The following HPSE2 variants were observed in gnomAD, a reference collection of about 807,000 sequenced individuals.
HPSE2 encodes inactive heparanase-2.
A neutral mutation model predicts 60.5 loss-of-function variants in HPSE2; 38 were observed. The ratio of observed to expected loss-of-function variants is 0.63; its 90% CI spans 0.48 to 0.82. The LOEUF is 0.82. HPSE2 is among the 40% of genes least tolerant of loss of function. The probability of loss-of-function intolerance (pLI) is 0.00; values close to 1 mark genes in which losing one functional copy is unlikely to be tolerated. For synonymous variants in HPSE2, 295 were observed against 293.2 expected (o/e 1.01, Z -0.06); for missense variants, 713 against 740.4 (o/e 0.96, Z 0.43).
At chr10:98,908,956 T>G (rs940087958) in intron 3 of HPSE2, among the ~76,000 whole-genome samples, 1 of 152,140 alleles carries the variant, frequency 6.6e-6, no homozygotes, top group Admixed American at 6.5e-5. Context: ...GCCATGTAAC[T>G]GAATTCAGGT....
intron 9 of HPSE2, among the ~76,000 whole-genome samples, chr10:98,496,464 G>C (rs1941842716): frequency 6.6e-6 from 1 of 152,158 alleles, no homozygotes; most frequent in Non-Finnish European, 1.5e-5. Flanking sequence ...TTGGTATTTA[G>C]AGGATGGGGT....
intron 9 of HPSE2, among the ~76,000 whole-genome samples, chr10:98,550,168 G>T (rs972542923): frequency 6.6e-6 from 1 of 152,090 alleles, no homozygotes; most frequent in African/African-American, 2.4e-5. Flanking sequence ...CATTTAAAAT[G>T]CCACCTTACA....
chr10:98,818,688 A>G (rs1472998035), intron 3 of HPSE2, among the ~76,000 whole-genome samples: 1 of 152,156 alleles, frequency 6.6e-6, no homozygotes, highest in Non-Finnish European at 1.5e-5. Context: ...TTAAAACAAG[A>G]TCCAGGCCTG....
At chr10:98,720,359 T>C (rs1948892808) in intron 5 of HPSE2, among the ~76,000 whole-genome samples, 1 of 152,006 alleles carries the variant, frequency 6.6e-6, no homozygotes, top group South Asian at 2.1e-4. Context: ...AGAGGAAACA[T>C]AAGGATTTGA....
Position 98,549,474 on chromosome 10 carries a change from A to G in HPSE2, c.1321-59278T>C, listed in dbSNP as rs1334253176. 4.6e-5 allele frequency among the ~76,000 whole-genome samples: 7 copies of G among 152,240 alleles called. No homozygotes were observed. The East Asian group carries it at 1.3e-3, about 29-fold the overall frequency. ...ACATCTTATATCTTGACTTATTTCC[A>G]TTAGGTCTATTCTCTTGCTACTTCA... On this transcript the variant is annotated intron_variant, in intron 9 of 11. Transcript: ENST00000370552.
chr10:98,682,468 T>C (rs1947811727), intron 6 of HPSE2, among the ~76,000 whole-genome samples: 1 of 152,296 alleles, frequency 6.6e-6, no homozygotes, highest in Non-Finnish European at 1.5e-5. Context: ...TTAAATGTGC[T>C]TGTGACACCT....
intron 5 of HPSE2, among the ~76,000 whole-genome samples, chr10:98,719,465 G>A (rs1375501189): frequency 6.6e-6 from 1 of 151,866 alleles, no homozygotes; most frequent in Admixed American, 6.6e-5. Context: ...GGAGAGGCTG[G>A]TATTCTTAAC....
chr10:98,735,031 G>A (rs1307203415), intron 4 of HPSE2, among the ~76,000 whole-genome samples: 1 of 151,844 alleles, frequency 6.6e-6, no homozygotes, highest in Admixed American at 6.6e-5. Context: ...TCTACATTTG[G>A]GTTTACTCTT....
At chr10:99,001,129 T>C (rs938326418) in intron 3 of HPSE2, among the ~76,000 whole-genome samples, 6 of 152,112 alleles carry the variant, frequency 3.9e-5, no homozygotes, top group Non-Finnish European at 7.4e-5. Context: ...ATTGACAACT[T>C]TACTAATTTG....
intron 2 of HPSE2, among the ~76,000 whole-genome samples, chr10:99,206,199 G>T (rs1169426320): frequency 6.6e-6 from 1 of 152,120 alleles, no homozygotes; most frequent in South Asian, 2.1e-4. Flanking sequence ...TACAACAGCA[G>T]GTGCAAAAAC....
chr10:99,176,136 A>G (rs1847517275), intron 2 of HPSE2, among the ~76,000 whole-genome samples: 1 of 152,214 alleles, frequency 6.6e-6, no homozygotes. Flanking sequence ...TCAAAGAGCA[A>G]AGGTAGATAA....
intron 11 of HPSE2, among the ~76,000 whole-genome samples, chr10:98,468,389 C>CG (rs1331702758): frequency 8.3e-6 from 1 of 121,192 alleles, no homozygotes; most frequent in African/African-American, 2.8e-5. Context: ...TCAGGAGTCA[C>CG]GGGGGCAATT....
chr10:98,883,756 A>G (rs1953090383), intron 3 of HPSE2, among the ~76,000 whole-genome samples: 1 of 152,116 alleles, frequency 6.6e-6, no homozygotes. Flanking sequence ...GTGAACTATG[A>G]TTGCACCACT....
chr10:99,118,297 G>C (rs577542399), intron 3 of HPSE2, among the ~76,000 whole-genome samples: 10 of 151,854 alleles, frequency 6.6e-5, no homozygotes, highest in African/African-American at 2.4e-4. Flanking sequence ...GCCAAGGTGG[G>C]TGGATCACAA....
intron 6 of HPSE2, among the ~76,000 whole-genome samples, chr10:98,656,769 T>A (rs555168813): frequency 2.0e-5 from 3 of 150,798 alleles, no homozygotes; most frequent in African/African-American, 7.3e-5. Context: ...AGGTTTTTTT[T>A]TTTTTTTTTG....
chr10:98,584,982 G>C (rs1275126418), intron 9 of HPSE2, among the ~76,000 whole-genome samples: 2 of 152,240 alleles, frequency 1.3e-5, no homozygotes, highest in East Asian at 3.9e-4. Context: ...CAAAATATTA[G>C]AGTAGTAGAA....
chr10:99,133,065 G>C (rs779285342), intron 3 of HPSE2, among the ~76,000 whole-genome samples: 1 of 152,182 alleles, frequency 6.6e-6, no homozygotes, highest in Non-Finnish European at 1.5e-5. Context: ...GGTGAGGGGC[G>C]TCTACCATTG....
chr10:98,554,469 T>C (rs986897605), intron 9 of HPSE2, among the ~76,000 whole-genome samples: 1 of 152,222 alleles, frequency 6.6e-6, no homozygotes, highest in African/African-American at 2.4e-5. Flanking sequence ...TACTTCATTG[T>C]GTCTTGAATG....
At chr10:99,298,077 C>A in the HPSE2 span, among the ~76,000 whole-genome samples, 1 of 152,236 alleles carries the variant, frequency 6.6e-6, no homozygotes, top group Admixed American at 6.5e-5. Flanking sequence ...GAGCTACCTA[C>A]AGCATTAGCC....
Sources: gnomAD v4.1 joint callset for allele counts (sites outside exome capture counted in the v4.1 genomes callset) on GRCh38, gnomAD v4.1.1 for gene constraint, MANE v1.5 for transcripts, NCBI Gene and HGNC (gene_info 2026-07-23, HGNC 2026-07-21) for gene names.